Variants in HLF observed in about 807,000 individuals in gnomAD.
HLF encodes the protein hepatic leukemia factor.
A neutral mutation model predicts 22.6 loss-of-function variants in HLF; 3 were observed. That is an observed-to-expected ratio of 0.13 (90% CI 0.06 to 0.34). The LOEUF (loss-of-function observed/expected upper bound fraction) is 0.34. Among genes scored for constraint, HLF ranks in the 10% least tolerant of loss-of-function variants. The pLI, the probability that HLF is intolerant of heterozygous loss-of-function variation, is 1.00. For missense variants in HLF, 299 were observed against 389.2 expected (o/e 0.77, Z 1.95); for synonymous variants, 151 against 151.8 (o/e 0.99, Z 0.04).
intron 2 of HLF, chr17:55,283,865 C>T (rs557889449): frequency 7.2e-5 from 11 of 152,300 alleles, no homozygotes; most frequent in East Asian, 1.9e-4. Context: ...TCCATACTTG[C>T]GATTCTTGAT....
intron 2 of HLF, among the ~76,000 whole-genome samples, chr17:55,290,602 C>G (rs955413233): frequency 6.6e-6 from 1 of 152,170 alleles, no homozygotes; most frequent in Admixed American, 6.5e-5. Context: ...TCCCATTTCT[C>G]TCCCTCTCCT....
intron 2 of HLF, among the ~76,000 whole-genome samples, chr17:55,297,357 G>C (rs774895813): frequency 8.5e-5 from 13 of 152,156 alleles, no homozygotes; most frequent in Non-Finnish European, 1.6e-4. Flanking sequence ...GGTAGAGTTT[G>C]TAGTTATTGA....
At chr17:55,269,320 T>G (rs1487386276) in intron 2 of HLF, among the ~76,000 whole-genome samples, 2 of 152,190 alleles carry the variant, frequency 1.3e-5, no homozygotes, top group East Asian at 3.8e-4. Context: ...ATTCTTAGCC[T>G]CCAGCCACCC....
At chr17:55,312,774 C>A (rs1042310561) in intron 2 of HLF, among the ~76,000 whole-genome samples, 8 of 152,150 alleles carry the variant, frequency 5.3e-5, no homozygotes, top group African/African-American at 1.9e-4. Context: ...TATTTGTTAA[C>A]ATTTCGCAGC....
At chr17:55,301,125 C>G (rs1212292914) in intron 2 of HLF, among the ~76,000 whole-genome samples, 4 of 152,230 alleles carry the variant, frequency 2.6e-5, no homozygotes, top group Non-Finnish European at 5.9e-5. Flanking sequence ...TCCTGTTGTC[C>G]CTGCACTCCC....
intron 2 of HLF, among the ~76,000 whole-genome samples, chr17:55,275,170 A>G (rs1201658231): frequency 6.6e-6 from 1 of 152,122 alleles, no homozygotes; most frequent in Non-Finnish European, 1.5e-5. Flanking sequence ...ATCATGGTTC[A>G]CCACAACCTC....
chr17:55,265,967 G>A (rs987359174), intron 1 of HLF: 1 of 569,186 alleles, frequency 1.8e-6, no homozygotes, highest in Non-Finnish European at 2.3e-6. Flanking sequence ...CCGGGCTGGG[G>A]AGGAGAAACC....
At chr17:55,310,626 A>C (rs1200260064) in intron 2 of HLF, among the ~76,000 whole-genome samples, 1 of 152,236 alleles carries the variant, frequency 6.6e-6, no homozygotes, top group Non-Finnish European at 1.5e-5. Context: ...AAACCGGCTA[A>C]TGCAGTGAGA....
chr17:55,301,323 G>A (rs2051778873), intron 2 of HLF, among the ~76,000 whole-genome samples: 1 of 152,240 alleles, frequency 6.6e-6, no homozygotes, highest in Non-Finnish European at 1.5e-5. Flanking sequence ...CATAGTAGGG[G>A]CTCAATAAAA....
intron 2 of HLF, among the ~76,000 whole-genome samples, chr17:55,298,821 A>G (rs913655553): frequency 2.0e-5 from 3 of 152,220 alleles, no homozygotes; most frequent in African/African-American, 7.2e-5. Flanking sequence ...TTTATATGAG[A>G]AAACTTGAGT....
chr17:55,307,508 A>G (rs772158694), intron 2 of HLF, among the ~76,000 whole-genome samples: 1 of 152,034 alleles, frequency 6.6e-6, no homozygotes, highest in African/African-American at 2.4e-5. Context: ...TGGAACATAC[A>G]TGCACAAAGT....
At chr17:55,290,466 A>G (rs950157108) in intron 2 of HLF, among the ~76,000 whole-genome samples, 1 of 152,176 alleles carries the variant, frequency 6.6e-6, no homozygotes, top group Non-Finnish European at 1.5e-5. Context: ...ATGTTGATCT[A>G]TGATCAGTGA....
At chr17:55,278,646 C>G (rs950422250) in intron 2 of HLF, among the ~76,000 whole-genome samples, 1 of 152,042 alleles carries the variant, frequency 6.6e-6, no homozygotes, top group Non-Finnish European at 1.5e-5. Context: ...ATCAGATTAC[C>G]CAGAACAGAA....
intron 2 of HLF, among the ~76,000 whole-genome samples, chr17:55,308,772 A>T (rs1007386194): frequency 6.6e-6 from 1 of 152,234 alleles, no homozygotes; most frequent in African/African-American, 2.4e-5. Context: ...AATGTTTACC[A>T]GACAATCACA....
chr17:55,272,732 T>G (rs1227213006), intron 2 of HLF: 1 of 152,192 alleles, frequency 6.6e-6, no homozygotes, highest in Non-Finnish European at 1.5e-5. Flanking sequence ...TCTGTGCAGG[T>G]GATTCTGGGT....
rs182456866 is a variant in HLF at position 55,278,283 on chromosome 17, G to C, written c.451+10197G>C. On this transcript the variant is annotated intron_variant, in intron 2 of 3. Coordinates refer to ENST00000226067, the MANE Select transcript of HLF (RefSeq NM_002126.5). ...TCATCTGTGACAAAATGTTCTCTTA[G>C]AAAGTGGAATTGCATAAATGGATCA... Among the ~76,000 whole-genome samples the C allele has an allele frequency of 4.4e-3, 668 of 152,330 alleles. 5 individuals carry two copies. Among genetic ancestry groups the C allele is most frequent in the Non-Finnish European group, 4.8e-3 (329 of 68,014 alleles).
chr17:55,285,410 C>T (rs2080995327), intron 2 of HLF, among the ~76,000 whole-genome samples: 1 of 152,136 alleles, frequency 6.6e-6, no homozygotes, highest in African/African-American at 2.4e-5. Flanking sequence ...GCAGCATTCC[C>T]CTGAGCCTTT....
At chr17:55,274,565 G>A (rs772647756) in intron 2 of HLF, among the ~76,000 whole-genome samples, 5 of 152,122 alleles carry the variant, frequency 3.3e-5, no homozygotes, top group Non-Finnish European at 5.9e-5. Flanking sequence ...CAGTCTATAC[G>A]GGCAATATAG....
intron 2 of HLF, among the ~76,000 whole-genome samples, chr17:55,306,266 G>A (rs151008589): frequency 1.1e-3 from 160 of 152,234 alleles, no homozygotes; most frequent in African/African-American, 3.5e-3. Flanking sequence ...AGGGAAGCCC[G>A]TCTACCAGCC....
Sources: allele counts gnomAD v4.1 joint callset (sites outside exome capture counted in the v4.1 genomes callset), GRCh38; gene constraint gnomAD v4.1.1; transcripts MANE v1.5; gene names NCBI Gene and HGNC (gene_info 2026-07-23, HGNC 2026-07-21).